Variants in RMND1 observed in about 807,000 individuals in gnomAD.
The protein encoded by RMND1 is required for meiotic nuclear division 1 homolog.
RMND1 carries 41 observed loss-of-function variants against 54.0 expected under a neutral mutation model. The ratio of observed to expected loss-of-function variants is 0.76; its 90% CI spans 0.59 to 0.98. The LOEUF (loss-of-function observed/expected upper bound fraction) is 0.98. Among genes scored for constraint, RMND1 ranks in the 50% least tolerant of loss-of-function variants. The pLI is 0.00. For missense variants in RMND1, 457 were observed against 532.0 expected (o/e 0.86, Z 1.39); for synonymous variants, 183 against 181.7 (o/e 1.01, Z -0.06).
In RMND1 at chr6:151,422,579, G is replaced by C; in HGVS notation, c.964C>G (p.Leu322Val). Residue 322 changes from leucine (L) to valine (V), a missense_variant, in exon 8 of 12, where the codon CTG becomes GTG. Transcript: ENST00000444024. Reference protein sequence around the residue: ...SVKLAIWEASLDKFIESIQSI... With the variant: ...SVKLAIWEASVDKFIESIQSI... ...TGAATAGATTCAATAAATTTATCCA[G>C]TGATGCTTCCCAAATTGCCAGTTTT... 6.5e-7 allele frequency: 1 copy of C among 1,539,688 alleles called. No individual in the cohort carries two copies. Among genetic ancestry groups the C allele is most frequent in the Non-Finnish European group, 8.8e-7 (1 of 1,133,902 alleles).
chr6:151,449,736 T>G (rs965532951), intron 1 of RMND1, among the ~76,000 whole-genome samples: 7 of 152,130 alleles, frequency 4.6e-5, no homozygotes, highest in African/African-American at 1.7e-4. Flanking sequence ...CTCGGCTCAC[T>G]GCAACCTCCC....
At chr6:151,417,996 G>C (rs925762362) in intron 9 of RMND1, among the ~76,000 whole-genome samples, 7 of 151,908 alleles carry the variant, frequency 4.6e-5, no homozygotes, top group Admixed American at 6.6e-5. Flanking sequence ...TTTTAGTAAA[G>C]GGTTTTACCA....
chr6:151,418,240 C>T (rs1004254291), intron 9 of RMND1, among the ~76,000 whole-genome samples: 3 of 152,002 alleles, frequency 2.0e-5, no homozygotes, highest in Non-Finnish European at 4.4e-5. Flanking sequence ...ACAGCGAAAC[C>T]CTATCTCTAC....
In RMND1 at chr6:151,430,243, A is replaced by G; in HGVS notation, c.690-66T>C. ...GAATACATTCTTTAGGGTCGTATAT[A>G]AAACCATGTAACTTCTAGAATGTAT... On this transcript the variant is annotated intron_variant, in intron 4 of 11. Coordinates refer to ENST00000444024, the MANE Select transcript of RMND1 (RefSeq NM_017909.4). The G allele has an allele frequency of 2.7e-6, 3 of 1,123,790 alleles. No homozygotes were observed. The Admixed American group carries it at 5.9e-5, about 22-fold the overall frequency. 69.6% of individuals were successfully genotyped at this position (1,123,790 alleles called of 1,614,324 possible).
chr6:151,436,242 A>G (rs753758207), intron 3 of RMND1: 1 of 541,358 alleles, frequency 1.8e-6, no homozygotes, highest in Non-Finnish European at 3.2e-6. Flanking sequence ...ATCTTAATAA[A>G]TCATACTGAT....
At position 151,436,688 on chromosome 6, in the gene RMND1, T is replaced by C. The variant is rs533986781; in HGVS notation, c.505-134A>G. ...TTTCTTCAAACATCTCCAAGGGTGA[T>C]ACAAGGGATGGGATGAAGATGAAGA... On this transcript the variant is annotated intron_variant, in intron 2 of 11. Coordinates refer to ENST00000444024, the MANE Select transcript of RMND1 (RefSeq NM_017909.4). 4 of 716,380 alleles carry C rather than the reference T, an allele frequency of 5.6e-6. No homozygotes were observed. In the East Asian group the frequency reaches 1.1e-4, roughly 20 times the overall value. 44.4% of individuals were successfully genotyped at this position (716,380 alleles called of 1,614,324 possible).
intron 6 of RMND1, among the ~76,000 whole-genome samples, chr6:151,424,322 G>A (rs558569140): frequency 6.6e-6 from 1 of 151,988 alleles, no homozygotes; most frequent in Non-Finnish European, 1.5e-5. Context: ...AATTAGCCGG[G>A]TGTGGTGGCG....
In RMND1 at chr6:151,421,338, C is replaced by G. The variant is rs200241647; in HGVS notation, c.1003-17G>C. 3.9e-5 allele frequency: 61 copies of G among 1,584,082 alleles called. No homozygotes were observed. Among genetic ancestry groups the G allele is most frequent in the Non-Finnish European group, 4.7e-5 (55 of 1,162,704 alleles). The stretch of plus-strand genomic sequence containing the variant: ...TTTTAAAGCCTAGTTGAGAGGGAAT[C>G]GGAAAAACCAAAAAACCATGTATCT... On this transcript the variant is annotated splice_polypyrimidine_tract_variant and intron_variant, in intron 8 of 11. Coordinates refer to ENST00000444024, the MANE Select transcript of RMND1 (RefSeq NM_017909.4).
chr6:151,405,605 C>CA, intron 11 of RMND1, 115 bp downstream of exon 11: 1 of 646,918 alleles, frequency 1.5e-6, no homozygotes, highest in Admixed American at 2.6e-5. Context: ...GTAATGATAA[C>CA]AAAGTCAGCC....
rs748409980 is a variant in RMND1, at chr6:151,441,945, T to C, written c.504+3363A>G. On this transcript the variant is annotated intron_variant, in intron 2 of 11. Transcript: ENST00000444024. ...ACAGGTGTCAACTGGGAGGGCAGTC[T>C]TGTGGGGCTGAGCTTAACTAACTGG... Among the ~76,000 whole-genome samples the C allele has an allele frequency of 4.6e-5, 7 of 152,272 alleles. No individual in the cohort carries two copies. In the South Asian group the frequency reaches 1.2e-3, roughly 27 times the overall value.
intron 10 of RMND1, among the ~76,000 whole-genome samples, chr6:151,416,268 C>T (rs999493509): frequency 1.3e-5 from 2 of 152,050 alleles, no homozygotes; most frequent in Non-Finnish European, 1.5e-5. Context: ...GCATGAGCCA[C>T]CGCACCTGGC....
At chr6:151,410,203 C>T (rs184871819) in intron 10 of RMND1, among the ~76,000 whole-genome samples, 117 of 152,068 alleles carry the variant, frequency 7.7e-4, no homozygotes, top group Non-Finnish European at 1.3e-3. Context: ...TACAGACGCC[C>T]GCCACCACGC....
chr6:151,435,306 T>C (rs1465209082), intron 3 of RMND1, among the ~76,000 whole-genome samples: 3 of 151,046 alleles, frequency 2.0e-5, no homozygotes, highest in Non-Finnish European at 3.0e-5. Flanking sequence ...CCACCATACC[T>C]GGCTAATTTT....
chr6:151,417,880 C>T (rs1166295884), intron 9 of RMND1, among the ~76,000 whole-genome samples: 1 of 151,390 alleles, frequency 6.6e-6, no homozygotes, highest in African/African-American at 2.4e-5. Context: ...ATGATCTCAG[C>T]TCACTGCAAC....
chr6:151,434,409 A>ATTT (rs11398229), intron 3 of RMND1, among the ~76,000 whole-genome samples: 7 of 146,650 alleles, frequency 4.8e-5, no homozygotes, highest in African/African-American at 1.5e-4. Context: ...CAAAACTGTG[A>ATTT]TTTTTTTTTT....
chr6:151,437,948 A>G (rs1286514569), intron 2 of RMND1, among the ~76,000 whole-genome samples: 1 of 152,238 alleles, frequency 6.6e-6, no homozygotes, highest in African/African-American at 2.4e-5. Flanking sequence ...AAAAAAAGTC[A>G]GACAAGCTGA....
At chr6:151,438,876 G>A (rs1193084760) in intron 2 of RMND1, among the ~76,000 whole-genome samples, 1 of 152,008 alleles carries the variant, frequency 6.6e-6, no homozygotes, top group Admixed American at 6.6e-5. Context: ...AACTTTGGGA[G>A]GCTGAGGCGG....
At chr6:151,415,217 C>A (rs1286900000) in intron 10 of RMND1, among the ~76,000 whole-genome samples, 1 of 151,398 alleles carries the variant, frequency 6.6e-6, no homozygotes, top group Admixed American at 6.6e-5. Flanking sequence ...TCTATGTCTG[C>A]AGAAGAATAG....
chr6:151,451,260 T>C (rs6906678), intron 1 of RMND1, among the ~76,000 whole-genome samples: 1 of 151,554 alleles, frequency 6.6e-6, no homozygotes. Context: ...CCACTTTGCA[T>C]TTCTCCATTG....
Sources: allele counts gnomAD v4.1 joint callset (sites outside exome capture counted in the v4.1 genomes callset), GRCh38; gene constraint gnomAD v4.1.1; transcripts MANE v1.5; gene names NCBI Gene and HGNC (gene_info 2026-07-23, HGNC 2026-07-21).